RAD51B: variants seen among roughly 807,000 people sequenced by gnomAD.
The protein encoded by RAD51B is DNA repair protein RAD51 homolog 2.
RAD51B carries 38 observed loss-of-function variants against 42.2 expected under a neutral mutation model. That is an observed-to-expected ratio of 0.90 (90% CI 0.70 to 1.18). RAD51B has a LOEUF of 1.18. Among genes scored for constraint, RAD51B ranks in the 50% most tolerant of loss-of-function variants. RAD51B has a pLI of 0.00. For synonymous variants in RAD51B, 154 were observed against 145.2 expected (o/e 1.06, Z -0.43); for missense variants, 373 against 400.7 (o/e 0.93, Z 0.59).
chr14:67,876,004 G>T (rs577660129), intron 5 of RAD51B, among the ~76,000 whole-genome samples: 5 of 152,276 alleles, frequency 3.3e-5, no homozygotes, highest in African/African-American at 7.2e-5. Context: ...GTTTTCCTCA[G>T]TTCAGTTCCA....
intron 7 of RAD51B, among the ~76,000 whole-genome samples, chr14:68,046,693 G>A (rs1482751687): frequency 2.6e-5 from 4 of 152,148 alleles, no homozygotes; most frequent in Non-Finnish European, 4.4e-5. Flanking sequence ...CTGTGATCAT[G>A]CCACTGCACT....
At chr14:68,158,344 G>A (rs141123527) in intron 7 of RAD51B, among the ~76,000 whole-genome samples, 1 of 152,322 alleles carries the variant, frequency 6.6e-6, no homozygotes, top group East Asian at 1.9e-4. Flanking sequence ...GTGTAACACT[G>A]AAGTAATTTT....
intron 9 of RAD51B, among the ~76,000 whole-genome samples, chr14:68,462,883 G>A (rs960027754): frequency 2.0e-5 from 3 of 151,876 alleles, no homozygotes; most frequent in African/African-American, 7.3e-5. Flanking sequence ...CAGGCTTTCT[G>A]AGCCACATAT....
chr14:68,650,339 C>T (rs1400304837), intron 10 of RAD51B, among the ~76,000 whole-genome samples: 1 of 152,134 alleles, frequency 6.6e-6, no homozygotes, highest in Non-Finnish European at 1.5e-5. Flanking sequence ...CTTAGAATCC[C>T]CAGGATCTTA....
At chr14:68,101,827 G>A (rs1322521058) in intron 7 of RAD51B, among the ~76,000 whole-genome samples, 1 of 152,248 alleles carries the variant, frequency 6.6e-6, no homozygotes, top group Non-Finnish European at 1.5e-5. Context: ...GGGACTCTCT[G>A]AGGGGGCTCC....
chr14:68,234,883 T>A (rs1051545993), intron 7 of RAD51B, among the ~76,000 whole-genome samples: 6 of 152,236 alleles, frequency 3.9e-5, no homozygotes, highest in African/African-American at 1.4e-4. Context: ...TTTGACTTTA[T>A]AAACTTTTAA....
intron 10 of RAD51B, among the ~76,000 whole-genome samples, chr14:68,528,274 C>A (rs1240679741): frequency 6.6e-6 from 1 of 152,178 alleles, no homozygotes; most frequent in Non-Finnish European, 1.5e-5. Context: ...TCTTTCTTTG[C>A]CTTTTGCTGC....
At chr14:67,839,245 C>A (rs11620947) in intron 4 of RAD51B, among the ~76,000 whole-genome samples, 56,544 of 151,718 alleles carry the variant, frequency 0.37, 11,269 homozygotes, top group African/African-American at 0.5. Flanking sequence ...AATAGTTTGC[C>A]TATGATGGGA....
intron 7 of RAD51B, among the ~76,000 whole-genome samples, chr14:67,892,513 A>G (rs2043250929): frequency 6.6e-6 from 1 of 152,150 alleles, no homozygotes; most frequent in Non-Finnish European, 1.5e-5. Context: ...AGCATGGGTT[A>G]CTCATATCCA....
At chr14:68,230,466 T>A (rs1257072553) in intron 7 of RAD51B, among the ~76,000 whole-genome samples, 3 of 152,186 alleles carry the variant, frequency 2.0e-5, no homozygotes, top group Non-Finnish European at 4.4e-5. Context: ...TGACTGGCTT[T>A]GATTATAAGC....
At chr14:68,397,351 C>T (rs2083953325) in intron 8 of RAD51B, among the ~76,000 whole-genome samples, 1 of 152,272 alleles carries the variant, frequency 6.6e-6, no homozygotes, top group African/African-American at 2.4e-5. Context: ...AAAACCAGTT[C>T]CCCCAATTAA....
At position 67,971,391 on chromosome 14, in the gene RAD51B, C is replaced by A. The variant is rs1210501611; in HGVS notation, c.756+84187C>A. Among the ~76,000 whole-genome samples the A allele has an allele frequency of 2.0e-5, 3 of 151,944 alleles. No individual in the cohort carries two copies. The East Asian group carries it at 5.8e-4, about 29-fold the overall frequency. On this transcript the variant is annotated intron_variant, in intron 7 of 10. Coordinates refer to ENST00000471583, the MANE Select transcript of RAD51B (RefSeq NM_133510.4). The stretch of plus-strand genomic sequence containing the variant: ...TTAAAAAAAGGTTACTTTTAAAATT[C>A]CTCTTAAACTTTATAATTCAAATCA...
intron 10 of RAD51B, among the ~76,000 whole-genome samples, chr14:68,648,025 A>G (rs533868751): frequency 2.0e-5 from 2 of 98,226 alleles, no homozygotes; most frequent in Non-Finnish European, 4.2e-5. Context: ...ATATATACGT[A>G]TATATATATA....
chr14:68,595,672 C>T (rs1455619640), exon 11 of RAD51B: 7 of 976,844 alleles, frequency 7.2e-6, no homozygotes, highest in South Asian at 4.9e-5. Flanking sequence ...ACTAAATGTT[C>T]GACCATATGG....
At chr14:68,673,168 G>A (rs1893195890) in intron 11 of RAD51B, among the ~76,000 whole-genome samples, 1 of 152,158 alleles carries the variant, frequency 6.6e-6, no homozygotes, top group African/African-American at 2.4e-5. Flanking sequence ...TTCACGCTGA[G>A]AAAAGCAGAT....
At chr14:68,238,207 C>T (rs1448596799) in intron 7 of RAD51B, among the ~76,000 whole-genome samples, 1 of 152,170 alleles carries the variant, frequency 6.6e-6, no homozygotes, top group African/African-American at 2.4e-5. Context: ...GTCTTATAGC[C>T]ATCCTAGTAG....
chr14:68,541,333 T>C, intron 10 of RAD51B: 2 of 985,486 alleles, frequency 2.0e-6, no homozygotes, highest in East Asian at 1.1e-4. Flanking sequence ...AACAGGCTAA[T>C]AGCCTACCTG....
intron 10 of RAD51B, among the ~76,000 whole-genome samples, chr14:68,590,543 G>A (rs1052831157): frequency 2.0e-5 from 3 of 152,212 alleles, no homozygotes; most frequent in African/African-American, 7.2e-5. Context: ...GTCTATCTAT[G>A]GCAAAGGTGC....
chr14:68,642,906 A>AT (rs1892491974), intron 10 of RAD51B, among the ~76,000 whole-genome samples: 1 of 152,086 alleles, frequency 6.6e-6, no homozygotes, highest in Admixed American at 6.5e-5. Flanking sequence ...GTATTTGGGG[A>AT]TTTTCCAGCT....
Sources: allele counts gnomAD v4.1 joint callset (sites outside exome capture counted in the v4.1 genomes callset), GRCh38; gene constraint gnomAD v4.1.1; transcripts MANE v1.5; gene names NCBI Gene and HGNC (gene_info 2026-07-23, HGNC 2026-07-21).